The following GABRG3 variants were observed in gnomAD, a reference collection of about 807,000 sequenced individuals.
GABRG3 encodes the protein gamma-aminobutyric acid type A receptor subunit gamma3.
In GABRG3, 25 loss-of-function variants were observed where a neutral mutation model predicts 48.8. The observed-to-expected ratio is 0.51, with a 90% CI of 0.37 to 0.72. The LOEUF is 0.72. Among genes scored for constraint, GABRG3 ranks in the 30% least tolerant of loss-of-function variants. GABRG3 has a pLI of 0.00. For synonymous variants in GABRG3, 227 were observed against 217.6 expected (o/e 1.04, Z -0.38); for missense variants, 394 against 577.9 (o/e 0.68, Z 3.26).
chr15:27,232,598 T>C (rs573224919), intron 3 of GABRG3, among the ~76,000 whole-genome samples: 1 of 152,322 alleles, frequency 6.6e-6, no homozygotes, highest in Admixed American at 6.5e-5. Context: ...GACCATGTTC[T>C]GAGTGCTGGG....
At chr15:27,010,121 T>C (rs1895658485) in intron 2 of GABRG3, among the ~76,000 whole-genome samples, 1 of 152,106 alleles carries the variant, frequency 6.6e-6, no homozygotes, top group Non-Finnish European at 1.5e-5. Flanking sequence ...ATTTTTGTAG[T>C]TTTTGTAGAG....
chr15:27,201,235 A>AGTAT (rs1194469658), intron 3 of GABRG3, among the ~76,000 whole-genome samples: 1 of 151,792 alleles, frequency 6.6e-6, no homozygotes, highest in Non-Finnish European at 1.5e-5. Context: ...CCGCCCCTCA[A>AGTAT]GTATGGACAG....
chr15:27,336,468 C>T (rs968202464), intron 5 of GABRG3, among the ~76,000 whole-genome samples: 2 of 152,046 alleles, frequency 1.3e-5, no homozygotes, highest in African/African-American at 4.8e-5. Context: ...AAATTAAAAC[C>T]ACAGTAAGCT....
chr15:27,003,649 G>C (rs550441742), intron 2 of GABRG3, among the ~76,000 whole-genome samples: 5 of 152,156 alleles, frequency 3.3e-5, no homozygotes, highest in Non-Finnish European at 7.3e-5. Flanking sequence ...GCAACCATCC[G>C]ATTTCTCAAT....
chr15:27,377,229 C>T (rs1895625636), intron 5 of GABRG3, among the ~76,000 whole-genome samples: 1 of 152,196 alleles, frequency 6.6e-6, no homozygotes, highest in Non-Finnish European at 1.5e-5. Flanking sequence ...TTTGTCAAAG[C>T]TATTCAACAA....
intron 3 of GABRG3, among the ~76,000 whole-genome samples, chr15:27,200,781 G>A (rs888473953): frequency 1.3e-5 from 2 of 152,096 alleles, no homozygotes; most frequent in East Asian, 1.9e-4. Flanking sequence ...AGCTGGCCTC[G>A]GGGTGGACTC....
At chr15:27,239,445 G>A (rs1029865727) in intron 3 of GABRG3, among the ~76,000 whole-genome samples, 2 of 152,124 alleles carry the variant, frequency 1.3e-5, no homozygotes, top group African/African-American at 4.8e-5. Context: ...GAAAGCATAA[G>A]CTCTTTAGTA....
chr15:27,173,619 C>T (rs1479245569), intron 3 of GABRG3, among the ~76,000 whole-genome samples: 3 of 151,152 alleles, frequency 2.0e-5, no homozygotes, highest in Non-Finnish European at 2.9e-5. Context: ...GTCTGTAATC[C>T]CAGTGCTTTG....
At chr15:27,393,357 A>AG (rs1566821449) in intron 5 of GABRG3, among the ~76,000 whole-genome samples, 2 of 134,238 alleles carry the variant, frequency 1.5e-5, no homozygotes, top group Admixed American at 7.8e-5. Flanking sequence ...AAAAAAAAAA[A>AG]AAAAAGAAAA....
chr15:27,203,434 C>T (rs1313674495), intron 3 of GABRG3, among the ~76,000 whole-genome samples: 2 of 152,072 alleles, frequency 1.3e-5, no homozygotes, highest in Non-Finnish European at 2.9e-5. Flanking sequence ...TTTTCTTTAT[C>T]CAGTCCACTG....
intron 2 of GABRG3, among the ~76,000 whole-genome samples, chr15:27,022,625 G>A (rs1019937488): frequency 2.0e-5 from 3 of 151,994 alleles, no homozygotes; most frequent in South Asian, 4.1e-4. Flanking sequence ...TTCCTTTAAC[G>A]TCCACAATAA....
intron 5 of GABRG3, among the ~76,000 whole-genome samples, chr15:27,396,806 T>TTGA (rs1427013024): frequency 1.3e-5 from 2 of 152,190 alleles, no homozygotes; most frequent in Admixed American, 6.5e-5. Context: ...AAAAAAGCTC[T>TTGA]TGATTCATGT....
At chr15:27,262,397 C>T (rs1001703634) in intron 3 of GABRG3, among the ~76,000 whole-genome samples, 1 of 147,920 alleles carries the variant, frequency 6.8e-6, no homozygotes, top group South Asian at 2.2e-4. Context: ...CTCATCACCA[C>T]TGAGGGCCTT....
At chr15:27,014,275 A>AT (rs1314366913) in intron 2 of GABRG3, among the ~76,000 whole-genome samples, 1 of 145,208 alleles carries the variant, frequency 6.9e-6, no homozygotes, top group Non-Finnish European at 1.5e-5. Flanking sequence ...TTTTGTTTCT[A>AT]TTTTCTATTT....
At chr15:27,133,207 T>G (rs1344624404) in intron 3 of GABRG3, among the ~76,000 whole-genome samples, 1 of 152,218 alleles carries the variant, frequency 6.6e-6, no homozygotes, top group Non-Finnish European at 1.5e-5. Context: ...TCCTTCCATC[T>G]TAACATACAG....
chr15:27,257,024 A>T (rs1890640920), intron 3 of GABRG3, among the ~76,000 whole-genome samples: 1 of 152,202 alleles, frequency 6.6e-6, no homozygotes, highest in South Asian at 2.1e-4. Flanking sequence ...ATACTAATTT[A>T]CATTCCCATC....
intron 3 of GABRG3, among the ~76,000 whole-genome samples, chr15:27,276,223 A>G (rs910351360): frequency 2.6e-5 from 4 of 152,204 alleles, no homozygotes; most frequent in Non-Finnish European, 5.9e-5. Flanking sequence ...ACAGGCTAAC[A>G]AAAAGCCAGG....
At chr15:27,246,826 G>A (rs1890284950) in intron 3 of GABRG3, among the ~76,000 whole-genome samples, 1 of 152,198 alleles carries the variant, frequency 6.6e-6, no homozygotes, top group African/African-American at 2.4e-5. Context: ...TTGAAAGGCA[G>A]CACCATAACA....
intron 3 of GABRG3, among the ~76,000 whole-genome samples, chr15:27,103,693 T>C (rs960043105): frequency 3.3e-5 from 5 of 152,118 alleles, no homozygotes; most frequent in Admixed American, 3.3e-4. Flanking sequence ...AGACAATGAA[T>C]TTGCCTTTCC....
Sources: gnomAD v4.1 joint callset for allele counts (sites outside exome capture counted in the v4.1 genomes callset) on GRCh38, gnomAD v4.1.1 for gene constraint, MANE v1.5 for transcripts, NCBI Gene and HGNC (gene_info 2026-07-23, HGNC 2026-07-21) for gene names.